SLC38A10: variants seen among roughly 807,000 people sequenced by gnomAD.
The protein encoded by SLC38A10 is solute carrier family 38 member 10, also known as Sodium-coupled neutral amino acid transporter 10.
SLC38A10 carries 53 observed loss-of-function variants against 81.0 expected under a neutral mutation model. The observed-to-expected ratio is 0.65, with a 90% CI of 0.53 to 0.82. SLC38A10 has a LOEUF of 0.82. Among genes scored for constraint, SLC38A10 ranks in the 40% least tolerant of loss-of-function variants. SLC38A10 has a pLI of 0.00. For synonymous variants in SLC38A10, 665 were observed against 655.3 expected, an observed-to-expected ratio of 1.01 and a Z score of -0.23; for missense variants, 1,471 against 1,545.0, an observed-to-expected ratio of 0.95 and a Z score of 0.80.
chr17:81,277,270 TC>T lies in SLC38A10; in HGVS notation c.627-138del. On this transcript the variant is annotated intron_variant, in intron 6 of 15. Coordinates refer to ENST00000374759, the MANE Select transcript of SLC38A10 (RefSeq NM_001037984.3). This position sits in a 1 kb window ranked among gnomAD's most constrained non-coding sequence, Gnocchi z 4.5. Reference sequence around the variant, plus strand: ...TGCAACATTCTCTGCACACTGGAAGTCCCAGCGCTGAGGCCAGGACTTGGTG... The same window carrying T: ...TGCAACATTCTCTGCACACTGGAAGTCCAGCGCTGAGGCCAGGACTTGGTG... 1 of 758,418 alleles carries T rather than the reference TC, an allele frequency of 1.3e-6. No individual in the cohort carries two copies. The allele number at this position is 758,418 out of a possible 1,614,324, so 47.0% of individuals were successfully genotyped here. A position where few individuals can be genotyped will look rare whatever the true frequency, so the allele number is the denominator to read the frequency against.
chr17:81,252,549 C>T lies in SLC38A10; in HGVS notation c.1591G>A (p.Ala531Thr). The T allele has an allele frequency of 6.2e-7, 1 of 1,613,414 alleles. No individual in the cohort carries two copies. ...KPPSRHAGGK[A>T]PGVQGQMAPP... ...GCCATCTGGCCCTGGACCCCTGGAG[C>T]CTTTCCGCCCGCGTGTCTGGATGGA... is the stretch of plus-strand genomic sequence containing the variant. The change falls in exon 13 of 16, where the codon GCT (alanine) becomes ACT (threonine). Residue 531 changes from alanine (A) to threonine (T), a missense_variant. Transcript: ENST00000374759.
At chr17:81,251,918 CGCCGCCCCCCGT>C (rs977245970) in intron 13 of SLC38A10, 12 of 530,010 alleles carry the variant, frequency 2.3e-5, no homozygotes, top group Non-Finnish European at 3.4e-5. Context: ...GCGCCCCCCG[CGCCGCCCCCCGT>C]GTGCGCCCAG....
At chr17:81,279,186 A>G (rs568828259) in intron 6 of SLC38A10, among the ~76,000 whole-genome samples, 8 of 152,354 alleles carry the variant, frequency 5.3e-5, no homozygotes, top group African/African-American at 1.7e-4. Context: ...GTCTCCAGAT[A>G]GACCCTGACC....
chr17:81,258,375 A>G (rs1396633285), intron 11 of SLC38A10, among the ~76,000 whole-genome samples: 13 of 152,156 alleles, frequency 8.5e-5, no homozygotes, highest in Admixed American at 7.9e-4. Flanking sequence ...GAGAGGGGCC[A>G]TGTGTTTTGT....
chr17:81,282,652 G>A (rs953202866), intron 4 of SLC38A10, among the ~76,000 whole-genome samples: 10 of 152,202 alleles, frequency 6.6e-5, no homozygotes, highest in Non-Finnish European at 1.3e-4. Flanking sequence ...TGCCCTGGGC[G>A]AGGGGTGGGA....
At position 81,245,775 on chromosome 17, in the gene SLC38A10, G is replaced by A. The variant is rs2062843205; in HGVS notation, c.3141C>T (p.Ser1047=). The A allele has an allele frequency of 1.7e-5, 27 of 1,598,112 alleles. No homozygotes were observed. The highest frequency in any genetic ancestry group is 2.2e-5 in the South Asian group (2 of 90,502). ...PNRDLKLQAG[S]DLRRRRRDLG... The stretch of plus-strand genomic sequence containing the variant: ...GGTCCCGCCGTCGCCTCCGGAGGTC[G>A]GAGCCAGCCTGCAGTTTCAGGTCCC... The change falls in exon 16 of 16, where the codon TCC becomes TCT. Residue 1047 remains serine (S), a synonymous_variant. Transcript: ENST00000374759.
chr17:81,280,836 C>T (rs2063205061), intron 5 of SLC38A10, 103 bp from the exon 6 acceptor site: 1 of 1,446,316 alleles, frequency 6.9e-7, no homozygotes, highest in Admixed American at 2.4e-5. Flanking sequence ...GAGAGTGCAG[C>T]TCTTCCCACC....
chr17:81,278,250 C>T (rs911634255), intron 6 of SLC38A10, among the ~76,000 whole-genome samples: 1 of 151,982 alleles, frequency 6.6e-6, no homozygotes, highest in African/African-American at 2.4e-5. Flanking sequence ...CCAGGCACAG[C>T]GGCTGACACC....
At position 81,252,328 on chromosome 17, in the gene SLC38A10, A is replaced by AT. The variant is rs767718203; in HGVS notation, c.1811dup (p.His604GlnfsTer10). 1.2e-6 allele frequency: 2 copies of AT among 1,612,230 alleles called. No individual in the cohort carries two copies. The highest frequency in any genetic ancestry group is 8.5e-7 in the Non-Finnish European group (1 of 1,179,498). ...CAGACAGCACTGCCTGGGGCCGAGG[A>AT]TGCAGGCCCCTGTCTCCTGGCCCCA... On this transcript the variant is annotated frameshift_variant, in exon 13 of 16. Transcript: ENST00000374759. LOFTEE classifies it high-confidence loss of function.
rs183000789 is a variant in SLC38A10 at position 81,246,355 on chromosome 17, C to A, written c.2561G>T (p.Gly854Val). The stretch of plus-strand genomic sequence containing the variant: ...GTCTGGCACGGGCACCTGCTCCGGG[C>A]CCTTGGGGAGCTCCTTCACAGTGCC... ...AAGTVKELPKGPEQVPVPDPA... is the reference protein window; with the variant it reads ...AAGTVKELPKVPEQVPVPDPA... The change falls in exon 16 of 16, where the codon GGC becomes GTC. Residue 854 changes from glycine (G) to valine (V), a missense_variant. This residue lies in a region of SLC38A10 where 751 missense variants were observed against 717.4 expected (regional missense o/e 1.05). Transcript: ENST00000374759. 32 of 1,604,366 alleles carry A rather than the reference C, an allele frequency of 2.0e-5. No individual in the cohort carries two copies. In the Middle Eastern group the frequency reaches 6.9e-4, roughly 34 times the overall value.
intron 8 of SLC38A10, among the ~76,000 whole-genome samples, chr17:81,273,880 G>A (rs1459146397): frequency 2.0e-5 from 3 of 152,296 alleles, no homozygotes; most frequent in East Asian, 1.9e-4. Flanking sequence ...GTGGAGAAAC[G>A]CTCACGGCAC....
chr17:81,281,375 G>A lies in SLC38A10; in HGVS notation c.502-642C>T, dbSNP rs1453526134. 2.0e-5 allele frequency among the ~76,000 whole-genome samples: 3 copies of A among 152,160 alleles called. No individual in the cohort carries two copies. Among genetic ancestry groups the A allele is most frequent in the Non-Finnish European group, 1.5e-5 (1 of 68,024 alleles). On this transcript the variant is annotated intron_variant, in intron 5 of 15. Coordinates refer to ENST00000374759, the MANE Select transcript of SLC38A10 (RefSeq NM_001037984.3). This position sits in a 1 kb window ranked among gnomAD's most constrained non-coding sequence, Gnocchi z 5.3. ...GGTCCTGGGGCTCCTATGGGCAGGG[G>A]CCTGGCAGAGAATGGAGGGTGTGCT... is the stretch of plus-strand genomic sequence containing the variant.
chr17:81,273,216 C>A (rs1406024297), intron 8 of SLC38A10, among the ~76,000 whole-genome samples: 1 of 152,264 alleles, frequency 6.6e-6, no homozygotes, highest in African/African-American at 2.4e-5. Context: ...CTCTACTGAT[C>A]TGCACCGGGA....
intron 10 of SLC38A10, among the ~76,000 whole-genome samples, chr17:81,261,814 C>T (rs1415660707): frequency 2.0e-5 from 3 of 152,240 alleles, no homozygotes; most frequent in Non-Finnish European, 4.4e-5. Flanking sequence ...CTGGCAGTAA[C>T]CACAGCTGGC....
At chr17:81,290,514 T>G (rs1266772148) in intron 1 of SLC38A10, among the ~76,000 whole-genome samples, 1 of 152,226 alleles carries the variant, frequency 6.6e-6, no homozygotes, top group African/African-American at 2.4e-5. Context: ...CTCTGAATGC[T>G]ACAAACAGTG....
At chr17:81,266,161 G>A (rs2063068564) in intron 10 of SLC38A10, among the ~76,000 whole-genome samples, 1 of 152,218 alleles carries the variant, frequency 6.6e-6, no homozygotes, top group South Asian at 2.1e-4. Flanking sequence ...CCACACACGG[G>A]CAAGAGAGGA....
intron 10 of SLC38A10, among the ~76,000 whole-genome samples, chr17:81,267,568 T>G (rs1374564158): frequency 6.6e-6 from 1 of 151,988 alleles, no homozygotes; most frequent in Non-Finnish European, 1.5e-5. Context: ...GACTAAAACA[T>G]GGGACCTGGC....
intron 1 of SLC38A10, among the ~76,000 whole-genome samples, chr17:81,294,520 G>A (rs759449703): frequency 4.6e-5 from 7 of 152,204 alleles, no homozygotes; most frequent in Non-Finnish European, 1.0e-4. Flanking sequence ...GAGTCCCACC[G>A]TTCCCTTCCG....
chr17:81,277,283 GC>G lies in SLC38A10; in HGVS notation c.627-151del. The G allele has an allele frequency of 1.4e-6, 1 of 707,914 alleles. No homozygotes were observed. Among genetic ancestry groups the G allele is most frequent in the Non-Finnish European group, 2.4e-6 (1 of 416,104 alleles). 43.9% of individuals were successfully genotyped at this position (707,914 alleles called of 1,614,324 possible). On this transcript the variant is annotated intron_variant, in intron 6 of 15. Transcript: ENST00000374759. The surrounding 1 kb of genome is among the most constrained non-coding windows in gnomAD (Gnocchi z 4.5). ...GCACACTGGAAGTCCCAGCGCTGAG[GC>G]CAGGACTTGGTGTTGCTGAGGACAG...
Sources: gnomAD v4.1 joint callset for allele counts (sites outside exome capture counted in the v4.1 genomes callset) on GRCh38, gnomAD v4.1.1 for gene constraint, gnomAD v4.1.1 regional missense constraint, Gnocchi (gnomAD v3.1) non-coding constraint, MANE v1.5 for transcripts, NCBI Gene and HGNC (gene_info 2026-07-23, HGNC 2026-07-21) for gene names.